AIMP2: variants seen among roughly 807,000 people sequenced by gnomAD.
AIMP2 encodes the protein aminoacyl tRNA synthase complex-interacting multifunctional protein 2.
AIMP2 carries 20 observed loss-of-function variants against 23.4 expected under a neutral mutation model. That is an observed-to-expected ratio of 0.85 (90% confidence interval 0.60 to 1.24). The LOEUF is 1.24. Among genes scored for constraint, AIMP2 ranks in the 50% most tolerant of loss-of-function variants. The probability of loss-of-function intolerance (pLI) is 0.00; values close to 1 mark genes in which losing one functional copy is unlikely to be tolerated. For missense variants in AIMP2, 515 were observed against 414.5 expected, an observed-to-expected ratio of 1.24 and a Z score of -2.10; for synonymous variants, 210 against 170.4, an observed-to-expected ratio of 1.23 and a Z score of -1.81.
chr7:6,021,597 A>ATT (rs1037887869), intron 3 of AIMP2, among the ~76,000 whole-genome samples: 26 of 152,252 alleles, frequency 1.7e-4, no homozygotes, highest in African/African-American at 6.0e-4. Flanking sequence ...TCTTGGAGAA[A>ATT]TTCAAGGGCT....
At chr7:6,012,192 G>A (rs1786730827) in intron 1 of AIMP2, among the ~76,000 whole-genome samples, 1 of 151,380 alleles carries the variant, frequency 6.6e-6, no homozygotes, top group African/African-American at 2.4e-5. Flanking sequence ...GGTCAGGGCT[G>A]CATTGAGCTG....
chr7:6,018,708 C>G (rs1243597794), intron 3 of AIMP2, among the ~76,000 whole-genome samples: 2 of 151,686 alleles, frequency 1.3e-5, no homozygotes, highest in Non-Finnish European at 2.9e-5. Context: ...GTAGCAGGCG[C>G]CTGTAATCCC....
rs777169814 is a variant in AIMP2 at position 6,017,975 on chromosome 7, C to T, written c.504C>T (p.Cys168=). 8.7e-6 allele frequency: 14 copies of T among 1,613,828 alleles called. No homozygotes were observed. The African/African-American group carries it at 1.2e-4, about 14-fold the overall frequency. ...GCGTGCCTGAAAACCTTCTCAAGTG[C>T]TTTGGAGAACAGAATAAAAAACAGC... ...VKSVPENLLK[C]FGEQNKKQPR... Residue 168 remains cysteine, a synonymous_variant, in exon 3 of 4, where the codon TGC becomes TGT. Coordinates refer to ENST00000223029, the MANE Select transcript of AIMP2 (RefSeq NM_006303.4).
In AIMP2 at chr7:6,023,312, C is replaced by T. The variant is rs1163788754; in HGVS notation, c.584C>T (p.Thr195Met). ...TGTTTTTTCTTTTCAGTGCCGAAGACGCAGATGAAATTCAGCATCCAGACG... is the reference window on the plus strand; with the variant it reads ...TGTTTTTTCTTTTCAGTGCCGAAGATGCAGATGAAATTCAGCATCCAGACG... ...FTLIWKNVPK[T>M]QMKFSIQTMC... Residue 195 changes from threonine (T) to methionine (M), a missense_variant, in exon 4 of 4, where the codon ACG (threonine) becomes ATG (methionine). Transcript: ENST00000223029. The T allele has an allele frequency of 1.6e-5, 26 of 1,597,362 alleles. No individual in the cohort carries two copies. The highest frequency in any genetic ancestry group is 7.0e-5 in the Admixed American group (4 of 57,462).
intron 1 of AIMP2, among the ~76,000 whole-genome samples, chr7:6,014,416 C>A (rs370345360): frequency 4.6e-5 from 7 of 152,000 alleles, no homozygotes; most frequent in African/African-American, 1.7e-4. Context: ...CACTACCACA[C>A]CTGGCTTATT....
chr7:6,018,091 A>C, intron 3 of AIMP2, 46 bp downstream of exon 3: 1 of 1,488,320 alleles, frequency 6.7e-7, no homozygotes, highest in Non-Finnish European at 9.3e-7. Flanking sequence ...CTGCCCCTTG[A>C]ACACCATGAG....
Position 6,009,396 on chromosome 7 carries a change from G to A in AIMP2, c.33G>A (p.Gly11=), listed in dbSNP as rs746850104. ...TGTACCAGGTAAAGCCCTATCACGG[G>A]GGCGGCGCGCCTCTCCGTGTGGAGC... MPMYQVKPYH[G]GGAPLRVELP... is the part of the protein sequence containing the mutation. The change falls in exon 1 of 4, where the codon GGG becomes GGA. Residue 11 remains glycine, a synonymous_variant. Coordinates refer to ENST00000223029, the MANE Select transcript of AIMP2 (RefSeq NM_006303.4). The A allele has an allele frequency of 1.2e-6, 2 of 1,611,628 alleles. No individual in the cohort carries two copies. The highest frequency in any genetic ancestry group is 1.7e-6 in the Non-Finnish European group (2 of 1,179,980).
Position 6,023,749 on chromosome 7 carries a change from A to T in AIMP2, c.*58A>T, listed in dbSNP as rs548198703. On this transcript the variant is annotated 3_prime_UTR_variant, in exon 4 of 4. Coordinates refer to ENST00000223029, the MANE Select transcript of AIMP2 (RefSeq NM_006303.4). ...TTAAGAATGGTGCTCTTTCATGCCT[A>T]TTATCAGTAAGGGGACTTGTATTAG... is the stretch of plus-strand genomic sequence containing the variant. 7 of 1,612,740 alleles carry T rather than the reference A, an allele frequency of 4.3e-6. No homozygotes were observed. In the South Asian group the frequency reaches 5.5e-5, roughly 13 times the overall value.
At position 6,023,300 on chromosome 7, in the gene AIMP2, C is replaced by T. The variant is rs748822585; in HGVS notation, c.575-3C>T. 5 of 1,567,186 alleles carry T rather than the reference C, an allele frequency of 3.2e-6. No homozygotes were observed. Among genetic ancestry groups the T allele is most frequent in the Non-Finnish European group, 3.4e-6 (4 of 1,160,134 alleles). On this transcript the variant is annotated splice_polypyrimidine_tract_variant and splice_region_variant and intron_variant, in intron 3 of 3. Transcript: ENST00000223029. ...TGCTACCTGGCGTGTTTTTTCTTTT[C>T]AGTGCCGAAGACGCAGATGAAATTC...
intron 3 of AIMP2, among the ~76,000 whole-genome samples, chr7:6,021,359 AG>A (rs1562732586): frequency 9.3e-5 from 14 of 150,606 alleles, no homozygotes; most frequent in African/African-American, 3.2e-4. Context: ...AAAAAAAAAA[AG>A]AGAACCCTGA....
chr7:6,009,339 T>C lies in AIMP2; in HGVS notation c.-25T>C. On this transcript the variant is annotated 5_prime_UTR_variant, in exon 1 of 4. Transcript: ENST00000223029. Reference sequence around the variant, plus strand: ...CTGAGCGTTGGCCTTTGGCACGCGCTACCCCCTTTTGCTTTGGTTCTGCCA... The same window carrying C: ...CTGAGCGTTGGCCTTTGGCACGCGCCACCCCCTTTTGCTTTGGTTCTGCCA... 1 of 1,611,736 alleles carries C rather than the reference T, an allele frequency of 6.2e-7. No individual in the cohort carries two copies. The highest frequency in any genetic ancestry group is 1.1e-5 in the South Asian group (1 of 90,998).
At chr7:6,009,974 A>AAAATATAAATATATATATAT in intron 1 of AIMP2, among the ~76,000 whole-genome samples, 1 of 26,662 alleles carries the variant, frequency 3.8e-5, no homozygotes, top group Non-Finnish European at 6.8e-5. Context: ...AAAAAAAAAA[A>AAAATATAAATATATATATAT]ATATATATAT....
rs531111629 is a variant in AIMP2 at position 6,018,805 on chromosome 7, G to A, written c.574+760G>A. On this transcript the variant is annotated intron_variant, in intron 3 of 3. Transcript: ENST00000223029. ...GCCAAGATCACGCCATTGTATTCCAGCCTGGGCGACAGAACGAGACTCCAT... is the reference window on the plus strand; with the variant it reads ...GCCAAGATCACGCCATTGTATTCCAACCTGGGCGACAGAACGAGACTCCAT... Among the ~76,000 whole-genome samples the A allele has an allele frequency of 6.4e-4, 97 of 151,922 alleles. 1 individual carries two copies. Among genetic ancestry groups the A allele is most frequent in the South Asian group, 2.9e-3 (14 of 4,822 alleles).
intron 1 of AIMP2, chr7:6,013,004 A>G: frequency 1.1e-6 from 1 of 947,988 alleles, no homozygotes; most frequent in Non-Finnish European, 1.2e-6. Context: ...GGAGTTAAGC[A>G]AACAAGAGAA....
At chr7:6,021,952 T>A (rs573496834) in intron 3 of AIMP2, among the ~76,000 whole-genome samples, 1 of 152,170 alleles carries the variant, frequency 6.6e-6, no homozygotes, top group African/African-American at 2.4e-5. Context: ...CCTGCCTCCC[T>A]TTCTACCTCC....
At chr7:6,009,974 A>AATATATACATATATATATAT (rs1554310936) in intron 1 of AIMP2, among the ~76,000 whole-genome samples, 2 of 26,674 alleles carry the variant, frequency 7.5e-5, no homozygotes, top group Non-Finnish European at 1.4e-4. Flanking sequence ...AAAAAAAAAA[A>AATATATACATATATATATAT]ATATATATAT....
intron 3 of AIMP2, 32 bp downstream of exon 3, chr7:6,018,077 A>C: frequency 6.4e-7 from 1 of 1,551,646 alleles, no homozygotes. Context: ...CAACTTACAC[A>C]CAGCTGCCCC....
At chr7:6,016,247 G>C (rs1053141644) in intron 2 of AIMP2, among the ~76,000 whole-genome samples, 2 of 152,172 alleles carry the variant, frequency 1.3e-5, no homozygotes, top group Non-Finnish European at 2.9e-5. Context: ...ATTTAGGGGA[G>C]AATCTGATAT....
At position 6,020,497 on chromosome 7, in the gene AIMP2, G is replaced by C. The variant is rs1028521904; in HGVS notation, c.574+2452G>C. 2.0e-5 allele frequency among the ~76,000 whole-genome samples: 3 copies of C among 152,190 alleles called. No individual in the cohort carries two copies. In the South Asian group the frequency reaches 6.2e-4, roughly 31 times the overall value. On this transcript the variant is annotated intron_variant, in intron 3 of 3. Transcript: ENST00000223029. ...TAGGCATACCTATAGACTCTCATAA[G>C]ATTTTAGAAAAAGCAAAGTCATTAT...
Sources: allele counts gnomAD v4.1 joint callset (sites outside exome capture counted in the v4.1 genomes callset), GRCh38; gene constraint gnomAD v4.1.1; transcripts MANE v1.5; gene names NCBI Gene and HGNC (gene_info 2026-07-23, HGNC 2026-07-21).